Variants in CLEC4C observed in about 807,000 individuals in gnomAD.
CLEC4C encodes the protein C-type (calcium dependent, carbohydrate-recognition domain) lectin, superfamily member 11.
In CLEC4C, 17 loss-of-function variants were observed where a neutral mutation model predicts 27.7. That is an observed-to-expected ratio of 0.61 (90% CI 0.42 to 0.92). The LOEUF (loss-of-function observed/expected upper bound fraction) is 0.92, where lower values mean the gene tolerates loss of function less well. CLEC4C is among the 40% of genes least tolerant of loss of function. The pLI, the probability that CLEC4C is intolerant of heterozygous loss-of-function variation, is 0.00. For missense variants in CLEC4C, 244 were observed against 257.3 expected, an observed-to-expected ratio of 0.95 and a Z score of 0.35; for synonymous variants, 80 against 80.8, an observed-to-expected ratio of 0.99 and a Z score of 0.06.
At chr12:7,732,820 G>C (rs998189692) in intron 4 of CLEC4C, among the ~76,000 whole-genome samples, 3 of 150,836 alleles carry the variant, frequency 2.0e-5, no homozygotes, top group Non-Finnish European at 4.4e-5. Flanking sequence ...AATTAGCCGG[G>C]CATGGTGGCA....
At position 7,729,756 on chromosome 12, in the gene CLEC4C, A is replaced by C; in HGVS notation, c.498-16T>G. ...GTGCCAGAATCTGAAAGGTAGATAAAGGACAGTGGTGTTTTGAAACCGTGG... is the reference window on the plus strand; with the variant it reads ...GTGCCAGAATCTGAAAGGTAGATAACGGACAGTGGTGTTTTGAAACCGTGG... On this transcript the variant is annotated splice_polypyrimidine_tract_variant and intron_variant, in intron 5 of 5. Coordinates refer to ENST00000360345, the MANE Select transcript of CLEC4C (RefSeq NM_001371390.1). The C allele has an allele frequency of 1.2e-6, 2 of 1,612,798 alleles. No individual in the cohort carries two copies. The highest frequency in any genetic ancestry group is 1.7e-6 in the Non-Finnish European group (2 of 1,179,132).
chr12:7,729,957 A>C (rs1864556038), intron 5 of CLEC4C, among the ~76,000 whole-genome samples: 1 of 152,088 alleles, frequency 6.6e-6, no homozygotes, highest in Non-Finnish European at 1.5e-5. Context: ...TTCCCATATG[A>C]CCTAGTACTC....
intron 2 of CLEC4C, 45 bp from the exon 3 acceptor site, chr12:7,741,576 T>C: frequency 9.5e-7 from 1 of 1,055,030 alleles, no homozygotes; most frequent in Non-Finnish European, 1.5e-6. Context: ...TTTAAGTGGA[T>C]CTATGTTGTA....
At chr12:7,740,085 C>T (rs1479331305) in intron 3 of CLEC4C, among the ~76,000 whole-genome samples, 4 of 152,020 alleles carry the variant, frequency 2.6e-5, no homozygotes, top group South Asian at 4.2e-4. Flanking sequence ...CCACCCGCGT[C>T]GGCCTCCCAA....
chr12:7,739,894 G>A (rs903875406), intron 3 of CLEC4C, among the ~76,000 whole-genome samples: 22 of 151,120 alleles, frequency 1.5e-4, no homozygotes, highest in African/African-American at 5.3e-4. Context: ...GTCCAGGCTG[G>A]GACAATCTCA....
Position 7,737,513 on chromosome 12 carries a change from A to C in CLEC4C, c.297T>G (p.Thr99=), listed in dbSNP as rs1864756337. The change falls in exon 4 of 6, where the codon ACT becomes ACG. Residue 99 remains threonine, a synonymous_variant. Transcript: ENST00000360345. The part of the protein sequence containing the change: ...SFQSSCYFIS[T]GMQSWTKSQK... ...GACTCTTAGTCCAAGATTGCATCCCAGTAGAAATAAAGTAGCAACTAGACT... is the reference window on the plus strand; with the variant it reads ...GACTCTTAGTCCAAGATTGCATCCCCGTAGAAATAAAGTAGCAACTAGACT... The C allele has an allele frequency of 6.2e-7, 1 of 1,614,054 alleles. No individual in the cohort carries two copies. The highest frequency in any genetic ancestry group is 8.5e-7 in the Non-Finnish European group (1 of 1,179,970).
At chr12:7,732,659 A>C (rs1864624894) in intron 4 of CLEC4C, among the ~76,000 whole-genome samples, 1 of 151,702 alleles carries the variant, frequency 6.6e-6, no homozygotes, top group South Asian at 2.1e-4. Flanking sequence ...ACCACAGGTC[A>C]CTTTAAAATA....
intron 4 of CLEC4C, among the ~76,000 whole-genome samples, chr12:7,734,256 A>AT (rs1864668943): frequency 6.6e-6 from 1 of 152,180 alleles, no homozygotes; most frequent in African/African-American, 2.4e-5. Flanking sequence ...TAAATGTGGC[A>AT]TAAGAAGTCA....
At position 7,742,052 on chromosome 12, in the gene CLEC4C, C is replaced by T. The variant is rs1055797540; in HGVS notation, c.125-521G>A. 1.3e-4 allele frequency among the ~76,000 whole-genome samples: 19 copies of T among 151,508 alleles called. 1 individual carries two copies. Among genetic ancestry groups the T allele is most frequent in the East Asian group, 7.8e-4 (4 of 5,144 alleles). On this transcript the variant is annotated intron_variant, in intron 2 of 5. Coordinates refer to ENST00000360345, the MANE Select transcript of CLEC4C (RefSeq NM_001371390.1). ...ACAATTAGCCAAGGGTGGTGGCAGGCGCCTGTAATTCCAGTTACTCAAGAG... is the reference window on the plus strand; with the variant it reads ...ACAATTAGCCAAGGGTGGTGGCAGGTGCCTGTAATTCCAGTTACTCAAGAG...
At chr12:7,736,258 G>A (rs1864724073) in intron 4 of CLEC4C, among the ~76,000 whole-genome samples, 1 of 151,186 alleles carries the variant, frequency 6.6e-6, no homozygotes, top group Non-Finnish European at 1.5e-5. Context: ...ACTCCAGCCT[G>A]GGCGCCATTG....
rs766973990 is a variant in CLEC4C, at chr12:7,739,960, G to A, written c.235+1461C>T. Among the ~76,000 whole-genome samples, 27 of 150,986 alleles carry A rather than the reference G, an allele frequency of 1.8e-4. No individual in the cohort carries two copies. The South Asian group carries it at 5.5e-3, about 31-fold the overall frequency. Reference sequence around the variant, plus strand: ...AGTGATTCTCCTGCCTCAGCCTCCCGAGTTGCTGGGATTACAGGCATGCGA... The same window carrying A: ...AGTGATTCTCCTGCCTCAGCCTCCCAAGTTGCTGGGATTACAGGCATGCGA... On this transcript the variant is annotated intron_variant, in intron 3 of 5. Coordinates refer to ENST00000360345, the MANE Select transcript of CLEC4C (RefSeq NM_001371390.1).
chr12:7,746,474 G>T, intron 1 of CLEC4C, 51 bp from the exon 2 acceptor site: 1 of 1,210,052 alleles, frequency 8.3e-7, no homozygotes, highest in Non-Finnish European at 1.2e-6. Context: ...CTGCCAAAGA[G>T]CCAGGAAACC....
chr12:7,749,314 G>A (rs1459808669), upstream of CLEC4C: 1 of 151,924 alleles, frequency 6.6e-6, no homozygotes, highest in Non-Finnish European at 1.5e-5. Flanking sequence ...AGCACTTTGG[G>A]AGGCTGAGGT....
intron 2 of CLEC4C, among the ~76,000 whole-genome samples, chr12:7,745,180 G>A (rs780223986): frequency 5.3e-5 from 8 of 151,994 alleles, no homozygotes; most frequent in Non-Finnish European, 1.2e-4. Flanking sequence ...GGCTTTGGGA[G>A]GAAATCAGGT....
At chr12:7,745,424 C>CT (rs140956970) in intron 2 of CLEC4C, among the ~76,000 whole-genome samples, 1,469 of 48,186 alleles carry the variant, frequency 0.03, 570 homozygotes, top group African/African-American at 0.042. Flanking sequence ...TCAGTCTATG[C>CT]TTTTTTTTTT....
intron 3 of CLEC4C, among the ~76,000 whole-genome samples, chr12:7,739,095 A>G (rs778269465): frequency 2.0e-5 from 3 of 151,582 alleles, no homozygotes; most frequent in South Asian, 2.1e-4. Flanking sequence ...GTTTTTCCCT[A>G]TAAGTAAAGA....
At position 7,729,542 on chromosome 12, in the gene CLEC4C, C is replaced by T; in HGVS notation, c.*54G>A. The T allele has an allele frequency of 6.5e-7, 1 of 1,542,668 alleles. No individual in the cohort carries two copies. Among genetic ancestry groups the T allele is most frequent in the Non-Finnish European group, 8.8e-7 (1 of 1,132,578 alleles). On this transcript the variant is annotated 3_prime_UTR_variant, in exon 6 of 6. Coordinates refer to ENST00000360345, the MANE Select transcript of CLEC4C (RefSeq NM_001371390.1). ...CACATAAATTAAAAAATCAATTTAG[C>T]TTTCTACAACGGTGGATGCCAACCC... is the stretch of plus-strand genomic sequence containing the variant.
chr12:7,743,771 T>C (rs1308077210), intron 2 of CLEC4C, among the ~76,000 whole-genome samples: 1 of 152,214 alleles, frequency 6.6e-6, no homozygotes, highest in East Asian at 1.9e-4. Context: ...TCTTCTTTCC[T>C]CTCAGATAAT....
Position 7,741,493 on chromosome 12 carries a change from GC to G in CLEC4C, c.162del (p.Arg54SerfsTer15), listed in dbSNP as rs1864854394. 1 of 1,611,760 alleles carries G rather than the reference GC, an allele frequency of 6.2e-7. No homozygotes were observed. The highest frequency in any genetic ancestry group is 8.5e-7 in the Non-Finnish European group (1 of 1,177,964). On this transcript the variant is annotated frameshift_variant, in exon 3 of 6. Coordinates refer to ENST00000360345, the MANE Select transcript of CLEC4C (RefSeq NM_001371390.1). LOFTEE classifies it high-confidence loss of function. ...HNFMYSKTVKRLSKLREYQQY... is the reference protein window; with the variant it reads ...HNFMYSKTVKXLSKLREYQQY... ...TGTTGATACTCTCGTAACTTGGACA[GC>G]CTCTTGACAGTTTTGCTATACATAA...
Sources: gnomAD v4.1 joint callset for allele counts (sites outside exome capture counted in the v4.1 genomes callset) on GRCh38, gnomAD v4.1.1 for gene constraint, MANE v1.5 for transcripts, NCBI Gene and HGNC (gene_info 2026-07-23, HGNC 2026-07-21) for gene names.